The following LSM14A variants were observed in gnomAD, a reference collection of about 807,000 sequenced individuals.
LSM14A encodes the protein LSM14A mRNA processing body assembly factor, also known as protein LSM14 homolog A.
LSM14A carries 14 observed loss-of-function variants against 52.4 expected under a neutral mutation model. The observed-to-expected ratio is 0.27, with a 90% CI of 0.18 to 0.42. LSM14A has a LOEUF of 0.42. Ranked by LOEUF, LSM14A falls within the 10% of genes least tolerant of loss-of-function variation. The pLI, the probability that LSM14A is intolerant of heterozygous loss-of-function variation, is 1.00. For missense variants in LSM14A, 417 were observed against 581.8 expected, an observed-to-expected ratio of 0.72 and a Z score of 2.91; for synonymous variants, 185 against 200.3, an observed-to-expected ratio of 0.92 and a Z score of 0.64.
At chr19:34,173,818 A>G (rs890729868) in intron 1 of LSM14A, among the ~76,000 whole-genome samples, 1 of 149,244 alleles carries the variant, frequency 6.7e-6, no homozygotes, top group African/African-American at 2.5e-5. Flanking sequence ...GGTTAGGTCC[A>G]AGGATAAAGA....
At chr19:34,187,225 A>G (rs8104783) in intron 1 of LSM14A, among the ~76,000 whole-genome samples, 74,113 of 150,314 alleles carry the variant, frequency 0.49, 19,014 homozygotes, top group Middle Eastern at 0.58. Flanking sequence ...CTCCAGCCTA[A>G]GCAACAGACC....
At chr19:34,184,077 C>T (rs546806637) in intron 1 of LSM14A, among the ~76,000 whole-genome samples, 5 of 123,242 alleles carry the variant, frequency 4.1e-5, no homozygotes, top group East Asian at 2.4e-4. Context: ...TTTTTTGAGA[C>T]GGAGTTTTAC....
intron 3 of LSM14A, among the ~76,000 whole-genome samples, chr19:34,197,875 G>A (rs2070982863): frequency 6.6e-6 from 1 of 152,150 alleles, no homozygotes; most frequent in Non-Finnish European, 1.5e-5. Context: ...AGAATGTATA[G>A]CAGGGCTGGG....
chr19:34,190,218 T>C (rs3097336), intron 1 of LSM14A, among the ~76,000 whole-genome samples: 1 of 151,864 alleles, frequency 6.6e-6, no homozygotes, highest in Non-Finnish European at 1.5e-5. Flanking sequence ...CTAATCTCTC[T>C]TGTGGAATTT....
At position 34,227,470 on chromosome 19, in the gene LSM14A, AAGAAGTG is replaced by A; in HGVS notation, c.*84_*90del. 1 of 1,097,176 alleles carries A rather than the reference AAGAAGTG, an allele frequency of 9.1e-7. No homozygotes were observed. Among genetic ancestry groups the A allele is most frequent in the Non-Finnish European group, 1.3e-6 (1 of 762,770 alleles). 68.0% of individuals were successfully genotyped at this position (1,097,176 alleles called of 1,614,324 possible). ...TTGATTTCAGTCTTTGCAAAGAATG[AAGAAGTG>A]AATTCGCTGTACATTTGTCACCAGC... On this transcript the variant is annotated 3_prime_UTR_variant, in exon 10 of 10. Transcript: ENST00000544216.
chr19:34,197,453 T>TTTG (rs926203538), intron 3 of LSM14A, among the ~76,000 whole-genome samples: 2 of 123,158 alleles, frequency 1.6e-5, no homozygotes, highest in Non-Finnish European at 3.5e-5. Context: ...TTTTTTTTTT[T>TTTG]TCTGAGGCAG....
At position 34,219,792 on chromosome 19, in the gene LSM14A, G is replaced by A; in HGVS notation, c.1051G>A (p.Ala351Thr). 1.2e-6 allele frequency: 2 copies of A among 1,613,492 alleles called. No homozygotes were observed. Among genetic ancestry groups the A allele is most frequent in the Non-Finnish European group, 1.7e-6 (2 of 1,179,418 alleles). ...TGATACCCAAAACAGTGAAGGAAAT[G>A]CCGATGAAGAAGATCCACTTGGACC... ...GVDTQNSEGNADEEDPLGPNC... is the reference protein window; with the variant it reads ...GVDTQNSEGNTDEEDPLGPNC... The change falls in exon 8 of 10, where the codon GCC becomes ACC. Residue 351 changes from alanine (A) to threonine (T), a missense_variant. Ala to Thr is a moderately conservative substitution (Grantham distance 58). Around this residue, in one of 2 missense-constraint regions of LSM14A, gnomAD observed 357 missense variants for 457.0 expected, o/e 0.78. Transcript: ENST00000544216.
intron 9 of LSM14A, among the ~76,000 whole-genome samples, chr19:34,225,289 C>G (rs561237112): frequency 6.6e-6 from 1 of 152,202 alleles, no homozygotes; most frequent in Non-Finnish European, 1.5e-5. Flanking sequence ...TTTCATCTGC[C>G]ACTAGAGCCC....
chr19:34,221,794 A>G (rs889903212), intron 9 of LSM14A, 56 bp downstream of exon 9: 2 of 1,552,262 alleles, frequency 1.3e-6, no homozygotes, highest in African/African-American at 1.4e-5. Context: ...ACAAGACTCA[A>G]AACATTTTTA....
intron 6 of LSM14A, among the ~76,000 whole-genome samples, chr19:34,217,629 T>G (rs1210715482): frequency 4.0e-4 from 46 of 115,950 alleles, no homozygotes; most frequent in African/African-American, 1.4e-3. Context: ...GTTTTTTTTT[T>G]TTTTTTTTTT....
chr19:34,208,863 T>G, intron 3 of LSM14A, 66 bp from the exon 4 acceptor site: 1 of 1,134,574 alleles, frequency 8.8e-7, no homozygotes, highest in Non-Finnish European at 1.2e-6. Context: ...CTGCATTACT[T>G]TATATCATTG....
chr19:34,178,556 TC>T (rs1444048017), intron 1 of LSM14A, among the ~76,000 whole-genome samples: 2 of 152,224 alleles, frequency 1.3e-5, no homozygotes, highest in Admixed American at 6.5e-5. Flanking sequence ...CACTTAATCT[TC>T]TTTGCTTATT....
rs2073078473 is a variant in LSM14A at position 34,221,738 on chromosome 19, G to A, written c.1368G>A (p.Arg456=). The change falls in exon 9 of 10, where the codon AGG becomes AGA. Residue 456 remains arginine, a splice_region_variant and synonymous_variant. Transcript: ENST00000544216. ...GGREFADFEY[R]KDNKVAA ...GGGAGTTTGCGGATTTTGAATATAG[G>A]GTAAGTGTTACTGTTAATAAATTCT... 1 of 1,608,768 alleles carries A rather than the reference G, an allele frequency of 6.2e-7. No individual in the cohort carries two copies. The highest frequency in any genetic ancestry group is 1.7e-5 in the Admixed American group (1 of 59,874).
chr19:34,229,124 T>C lies in LSM14A; in HGVS notation c.*1736T>C, dbSNP rs1047687844. The C allele has an allele frequency of 6.6e-6, 1 of 152,222 alleles. No homozygotes were observed. Among genetic ancestry groups the C allele is most frequent in the African/African-American group, 2.4e-5 (1 of 41,454 alleles). 9.4% of individuals were successfully genotyped at this position (152,222 alleles called of 1,614,324 possible). On this transcript the variant is annotated 3_prime_UTR_variant, in exon 10 of 10. Transcript: ENST00000544216. Reference sequence around the variant, plus strand: ...AGAAAACTGTAAATACTAGTTCTACTTGCTCTGAAATTATGAGTTTATGCG... The same window carrying C: ...AGAAAACTGTAAATACTAGTTCTACCTGCTCTGAAATTATGAGTTTATGCG...
chr19:34,221,405 T>G (rs1003033006), intron 8 of LSM14A, 102 bp from the exon 9 acceptor site: 1 of 1,268,558 alleles, frequency 7.9e-7, no homozygotes, highest in Non-Finnish European at 1.1e-6. Context: ...CTAATTAGCT[T>G]TAGTAATTAC....
At chr19:34,191,668 C>T (rs2070394150) in intron 1 of LSM14A, among the ~76,000 whole-genome samples, 2 of 152,100 alleles carry the variant, frequency 1.3e-5, no homozygotes, top group African/African-American at 4.8e-5. Context: ...CTGAATTCAC[C>T]TGGCTAAGCT....
chr19:34,172,959 G>A (rs933318792), intron 1 of LSM14A, among the ~76,000 whole-genome samples, 196 bp downstream of exon 1: 1 of 152,218 alleles, frequency 6.6e-6, no homozygotes, highest in Non-Finnish European at 1.5e-5. Context: ...CCGCCCCCCG[G>A]AATGTCCGCG....
At chr19:34,182,912 C>T (rs1391457693) in intron 1 of LSM14A, among the ~76,000 whole-genome samples, 1 of 151,346 alleles carries the variant, frequency 6.6e-6, no homozygotes, top group Admixed American at 6.6e-5. Flanking sequence ...CTCTGACACG[C>T]CCTCCCTCCC....
chr19:34,192,846 G>A (rs771940763), intron 1 of LSM14A, among the ~76,000 whole-genome samples: 1 of 151,760 alleles, frequency 6.6e-6, no homozygotes, highest in Non-Finnish European at 1.5e-5. Flanking sequence ...GCGCATGGTG[G>A]CACACGCCTG....
Sources: allele counts gnomAD v4.1 joint callset (sites outside exome capture counted in the v4.1 genomes callset), GRCh38; gene constraint gnomAD v4.1.1; regional missense constraint gnomAD v4.1.1; transcripts MANE v1.5; gene names NCBI Gene and HGNC (gene_info 2026-07-23, HGNC 2026-07-21).